The following RAB3GAP1 variants were observed in gnomAD, a reference collection of about 807,000 sequenced individuals.
The protein encoded by RAB3GAP1 is RAB3 GTPase activating protein catalytic subunit 1, also known as rab3 GTPase-activating protein catalytic subunit.
In RAB3GAP1, 86 loss-of-function variants were observed where a neutral mutation model predicts 130.7. That is an observed-to-expected ratio of 0.66 (90% CI 0.55 to 0.79). RAB3GAP1 has a LOEUF of 0.79. Among genes scored for constraint, RAB3GAP1 ranks in the 30% least tolerant of loss-of-function variants. RAB3GAP1 has a pLI of 0.00. For synonymous variants in RAB3GAP1, 367 were observed against 401.7 expected (o/e 0.91, Z 1.03); for missense variants, 1,029 against 1,169.4 (o/e 0.88, Z 1.75).
intron 3 of RAB3GAP1, among the ~76,000 whole-genome samples, chr2:135,068,455 TA>T (rs1378160637): frequency 1.2e-3 from 169 of 143,492 alleles, no homozygotes; most frequent in Admixed American, 1.2e-3. Context: ...AAATTTTTCT[TA>T]AAAAAAAAAA....
At chr2:135,116,292 TATAA>T (rs1253159446) in intron 7 of RAB3GAP1, among the ~76,000 whole-genome samples, 5 of 151,814 alleles carry the variant, frequency 3.3e-5, no homozygotes, top group African/African-American at 7.3e-5. Flanking sequence ...GTATATCGAT[TATAA>T]ATAAATATAT....
In RAB3GAP1 at chr2:135,162,978, A is replaced by G. The variant is rs1558805875; in HGVS notation, c.2491-8A>G. Reference sequence around the variant, plus strand: ...CGCAATGTATGCCTCTTCCTTTTCTACCGCCAGGAAATCATTCACCAGATT... The same window carrying G: ...CGCAATGTATGCCTCTTCCTTTTCTGCCGCCAGGAAATCATTCACCAGATT... On this transcript the variant is annotated splice_region_variant and splice_polypyrimidine_tract_variant and intron_variant, in intron 21 of 23. Coordinates refer to ENST00000264158, the MANE Select transcript of RAB3GAP1 (RefSeq NM_012233.3). The G allele has an allele frequency of 1.9e-6, 3 of 1,608,084 alleles. No homozygotes were observed. The highest frequency in any genetic ancestry group is 2.2e-5 in the East Asian group (1 of 44,838).
Position 135,116,336 on chromosome 2 carries a change from A to G in RAB3GAP1, c.648+955A>G, listed in dbSNP as rs1690972385. 2.6e-5 allele frequency among the ~76,000 whole-genome samples: 4 copies of G among 152,004 alleles called. No homozygotes were observed. The South Asian group carries it at 8.3e-4, about 31-fold the overall frequency. On this transcript the variant is annotated intron_variant, in intron 7 of 23. Transcript: ENST00000264158. ...TATGATATATAATTATATATGTGGC[A>G]TTCCTGCCAAAATGTTTAACATACT...
intron 2 of RAB3GAP1, among the ~76,000 whole-genome samples, chr2:135,053,215 C>T (rs1295307178): frequency 1.3e-5 from 2 of 152,210 alleles, no homozygotes; most frequent in Non-Finnish European, 2.9e-5. Context: ...GGGCTCAAGC[C>T]TGGGCCGCCC....
intron 15 of RAB3GAP1, among the ~76,000 whole-genome samples, chr2:135,134,270 A>G (rs1361831432): frequency 3.9e-5 from 6 of 152,220 alleles, no homozygotes; most frequent in Non-Finnish European, 8.8e-5. Context: ...CTGTATCTCT[A>G]CAATAGAAAA....
At chr2:135,068,729 G>A (rs369750162) in intron 3 of RAB3GAP1, among the ~76,000 whole-genome samples, 3 of 152,114 alleles carry the variant, frequency 2.0e-5, no homozygotes, top group Admixed American at 6.5e-5. Flanking sequence ...CTCCTGCCTC[G>A]GTGACAGAGT....
Position 135,062,757 on chromosome 2 carries a change from A to G in RAB3GAP1, c.150+4671A>G, listed in dbSNP as rs534937888. Among the ~76,000 whole-genome samples, 9 of 152,312 alleles carry G rather than the reference A, an allele frequency of 5.9e-5. No homozygotes were observed. The East Asian group carries it at 1.7e-3, about 29-fold the overall frequency. The stretch of plus-strand genomic sequence containing the variant: ...GTCTTGTATATCCTTTGTTAAATTT[A>G]TTACTAAGGATTTTATGTTGTATGA... On this transcript the variant is annotated intron_variant, in intron 3 of 23. Transcript: ENST00000264158.
chr2:135,125,024 T>A (rs1691312437), intron 9 of RAB3GAP1, among the ~76,000 whole-genome samples: 1 of 152,246 alleles, frequency 6.6e-6, no homozygotes, highest in African/African-American at 2.4e-5. Flanking sequence ...TATTTTAATA[T>A]TTACAGAGCT....
chr2:135,083,733 G>A (rs1159153064), intron 3 of RAB3GAP1, among the ~76,000 whole-genome samples: 2 of 148,690 alleles, frequency 1.3e-5, no homozygotes, highest in South Asian at 2.1e-4. Flanking sequence ...TCAAAGTACC[G>A]GGATTATAGG....
chr2:135,091,897 C>CAT (rs1483873171), intron 4 of RAB3GAP1, among the ~76,000 whole-genome samples: 2 of 152,128 alleles, frequency 1.3e-5, no homozygotes, highest in Admixed American at 6.5e-5. Context: ...AGCTGCCAGT[C>CAT]AAATATCCTT....
chr2:135,126,334 T>C, intron 10 of RAB3GAP1, 85 bp downstream of exon 10: 4 of 1,102,242 alleles, frequency 3.6e-6, no homozygotes, highest in Non-Finnish European at 5.4e-6. Context: ...TTTATATGCA[T>C]TTTTTATTAT....
downstream of RAB3GAP1, among the ~76,000 whole-genome samples, chr2:135,170,986 T>C (rs1458327357): frequency 2.0e-5 from 3 of 152,026 alleles, no homozygotes; most frequent in African/African-American, 7.2e-5. Context: ...TCCTTGCACA[T>C]TGGGGCTTGC....
At position 135,052,498 on chromosome 2, in the gene RAB3GAP1, C is replaced by T. The variant is rs763486466; in HGVS notation, c.74+13C>T. 1 of 1,613,174 alleles carries T rather than the reference C, an allele frequency of 6.2e-7. No homozygotes were observed. Among genetic ancestry groups the T allele is most frequent in the South Asian group, 1.1e-5 (1 of 91,026 alleles). ...CGGAATGGGAAAGGTGAGTGAATCG[C>T]ATTTTTGGTTACCAGCTCCCATGGG... On this transcript the variant is annotated intron_variant, in intron 2 of 23. Transcript: ENST00000264158.
At position 135,130,008 on chromosome 2, in the gene RAB3GAP1, T is replaced by G. The variant is rs777094019; in HGVS notation, c.987T>G (p.Thr329=). ...TTTCCTACATAGGTGATTTTGTCAC[T>G]GAATTTTTTAAAATTTGCCGTCGAA... is the stretch of plus-strand genomic sequence containing the variant. The part of the protein sequence containing the change: ...NPQCLLGDFV[T]EFFKICRRKE... Residue 329 remains threonine (T), a synonymous_variant, in exon 12 of 24, where the codon ACT becomes ACG. Transcript: ENST00000264158. 1 of 1,611,720 alleles carries G rather than the reference T, an allele frequency of 6.2e-7. No homozygotes were observed. Among genetic ancestry groups the G allele is most frequent in the East Asian group, 2.2e-5 (1 of 44,810 alleles).
chr2:135,111,860 G>A (rs1323374317), intron 5 of RAB3GAP1, among the ~76,000 whole-genome samples: 1 of 152,042 alleles, frequency 6.6e-6, no homozygotes, highest in Non-Finnish European at 1.5e-5. Flanking sequence ...TTGTAGGTAA[G>A]GAATTTCACT....
chr2:135,102,895 G>T (rs1690488400), intron 5 of RAB3GAP1, among the ~76,000 whole-genome samples: 1 of 150,388 alleles, frequency 6.6e-6, no homozygotes, highest in Admixed American at 6.6e-5. Flanking sequence ...CACACCTGTA[G>T]TCCCAGCTAC....
intron 3 of RAB3GAP1, among the ~76,000 whole-genome samples, chr2:135,066,168 C>G (rs925138982): frequency 6.6e-6 from 1 of 152,164 alleles, no homozygotes; most frequent in Non-Finnish European, 1.5e-5. Context: ...GTCAGATACA[C>G]TTTCTTTTTC....
At chr2:135,113,303 A>G (rs913142222) in intron 6 of RAB3GAP1, 33 bp downstream of exon 6, 2 of 1,612,134 alleles carry the variant, frequency 1.2e-6, no homozygotes, top group Non-Finnish European at 1.7e-6. Flanking sequence ...CTAGACAAAA[A>G]AACTGTTTTT....
chr2:135,103,474 T>TA (rs1690510217), intron 5 of RAB3GAP1, among the ~76,000 whole-genome samples: 1 of 152,224 alleles, frequency 6.6e-6, no homozygotes. Flanking sequence ...AAGTGAATGT[T>TA]AAGAGGACTT....
Sources: allele counts gnomAD v4.1 joint callset (sites outside exome capture counted in the v4.1 genomes callset), GRCh38; gene constraint gnomAD v4.1.1; transcripts MANE v1.5; gene names NCBI Gene and HGNC (gene_info 2026-07-23, HGNC 2026-07-21).